The following DENND1A variants were observed in gnomAD, a reference collection of about 807,000 sequenced individuals.
DENND1A encodes the protein DENN domain-containing protein 1A.
DENND1A carries 51 observed loss-of-function variants against 113.7 expected under a neutral mutation model. The ratio of observed to expected loss-of-function variants is 0.45; its 90% CI spans 0.36 to 0.57. The LOEUF is 0.57. Among genes scored for constraint, DENND1A ranks in the 20% least tolerant of loss-of-function variants. The pLI is 0.00. For missense variants in DENND1A, 1,258 were observed against 1,395.9 expected (o/e 0.90, Z 1.57); for synonymous variants, 565 against 570.8 (o/e 0.99, Z 0.14).
chr9:123,512,580 G>C (rs1327197754), intron 13 of DENND1A, among the ~76,000 whole-genome samples: 1 of 152,196 alleles, frequency 6.6e-6, no homozygotes, highest in East Asian at 1.9e-4. Context: ...GGTCCCACTG[G>C]CTATTCTGCA....
chr9:123,816,451 C>T (rs923295762), intron 2 of DENND1A, among the ~76,000 whole-genome samples: 2 of 152,174 alleles, frequency 1.3e-5, no homozygotes, highest in Non-Finnish European at 2.9e-5. Context: ...GTGATATAGG[C>T]TTCCTGGTCT....
chr9:123,643,763 T>C (rs1011988432), intron 9 of DENND1A, among the ~76,000 whole-genome samples: 24 of 152,350 alleles, frequency 1.6e-4, no homozygotes, highest in Non-Finnish European at 1.5e-4. Context: ...AATGGAGCTG[T>C]GGCTAACAGA....
chr9:123,739,424 C>T (rs1419712890), intron 5 of DENND1A, among the ~76,000 whole-genome samples: 3 of 152,056 alleles, frequency 2.0e-5, no homozygotes, highest in African/African-American at 4.8e-5. Flanking sequence ...ACTTTGTATT[C>T]TGAATAAAGA....
chr9:123,678,523 A>C (rs1219882986), intron 5 of DENND1A, among the ~76,000 whole-genome samples: 1 of 152,206 alleles, frequency 6.6e-6, no homozygotes, highest in African/African-American at 2.4e-5. Flanking sequence ...GACACGAGGT[A>C]GCGCACAGAT....
intron 21 of DENND1A, among the ~76,000 whole-genome samples, chr9:123,394,901 G>C (rs1357088201): frequency 3.3e-5 from 5 of 152,210 alleles, no homozygotes; most frequent in African/African-American, 4.8e-5. Flanking sequence ...TGGGAGCAGT[G>C]GTGGGGGCAA....
At chr9:123,695,337 T>C (rs548466580) in intron 5 of DENND1A, among the ~76,000 whole-genome samples, 137 of 152,312 alleles carry the variant, frequency 9.0e-4, no homozygotes, top group African/African-American at 3.1e-3. Flanking sequence ...ATTGAAATTA[T>C]AAATCATTCT....
intron 13 of DENND1A, among the ~76,000 whole-genome samples, chr9:123,535,167 T>C (rs573059693): frequency 9.8e-5 from 15 of 152,332 alleles, no homozygotes; most frequent in Admixed American, 6.5e-4. Flanking sequence ...TTCACTCTGT[T>C]GTCCCTACAG....
intron 11 of DENND1A, among the ~76,000 whole-genome samples, chr9:123,594,854 C>T (rs1049798683): frequency 6.6e-6 from 1 of 152,094 alleles, no homozygotes; most frequent in African/African-American, 2.4e-5. Flanking sequence ...AAGCTGGTGG[C>T]CTCCTAGGAG....
intron 5 of DENND1A, among the ~76,000 whole-genome samples, chr9:123,728,963 T>C (rs559403928): frequency 6.6e-6 from 1 of 152,146 alleles, no homozygotes; most frequent in Admixed American, 6.5e-5. Context: ...TGGTTCAACA[T>C]ACACAAATCA....
chr9:123,522,700 T>TA (rs1446070428), intron 13 of DENND1A, among the ~76,000 whole-genome samples: 2 of 152,218 alleles, frequency 1.3e-5, no homozygotes, highest in African/African-American at 4.8e-5. Flanking sequence ...GCAGCTCAGC[T>TA]ACCTTTTAAT....
At chr9:123,763,397 T>G (rs942038216) in intron 4 of DENND1A, among the ~76,000 whole-genome samples, 1 of 152,120 alleles carries the variant, frequency 6.6e-6, no homozygotes, top group Non-Finnish European at 1.5e-5. Flanking sequence ...GGCAGAATAT[T>G]ACCATTTGAA....
At chr9:123,809,437 C>A (rs547521175) in intron 2 of DENND1A, among the ~76,000 whole-genome samples, 12 of 152,206 alleles carry the variant, frequency 7.9e-5, no homozygotes, top group Non-Finnish European at 1.5e-4. Context: ...GTTTTTTTGA[C>A]TCTAAAATTC....
At chr9:123,397,903 T>A (rs1304799432) in intron 21 of DENND1A, among the ~76,000 whole-genome samples, 1 of 152,184 alleles carries the variant, frequency 6.6e-6, no homozygotes, top group Non-Finnish European at 1.5e-5. Context: ...CCTTCTTACT[T>A]AGTACAGTGG....
At chr9:123,736,719 A>C (rs770243081) in intron 5 of DENND1A, among the ~76,000 whole-genome samples, 10 of 152,246 alleles carry the variant, frequency 6.6e-5, no homozygotes, top group Non-Finnish European at 1.3e-4. Flanking sequence ...AGCCCTAATG[A>C]GCTCATTGGA....
intron 13 of DENND1A, among the ~76,000 whole-genome samples, chr9:123,511,705 C>G (rs1334958556): frequency 6.6e-6 from 1 of 152,232 alleles, no homozygotes; most frequent in Non-Finnish European, 1.5e-5. Context: ...GCACCCCCAC[C>G]CACTTCCAGT....
At chr9:123,720,672 T>A (rs2067274305) in intron 5 of DENND1A, among the ~76,000 whole-genome samples, 1 of 152,220 alleles carries the variant, frequency 6.6e-6, no homozygotes, top group African/African-American at 2.4e-5. Context: ...ACTTTATCAT[T>A]GCCAACACTG....
intron 5 of DENND1A, among the ~76,000 whole-genome samples, chr9:123,750,570 A>T (rs2069929924): frequency 6.6e-6 from 1 of 152,266 alleles, no homozygotes; most frequent in Non-Finnish European, 1.5e-5. Context: ...AATCTGCCTT[A>T]GCAGTGGGGC....
intron 13 of DENND1A, among the ~76,000 whole-genome samples, chr9:123,497,813 CAAAA>C (rs755257150): frequency 9.8e-6 from 1 of 101,768 alleles, no homozygotes; most frequent in African/African-American, 3.7e-5. Context: ...CTCTTCCATC[CAAAA>C]AAAAAAAAAA....
chr9:123,432,737 C>T (rs1219674855), intron 19 of DENND1A, among the ~76,000 whole-genome samples: 1 of 152,242 alleles, frequency 6.6e-6, no homozygotes, highest in African/African-American at 2.4e-5. Flanking sequence ...GGATTGTAGA[C>T]CGCAATGCCC....
Sources: gnomAD v4.1 joint callset for allele counts (sites outside exome capture counted in the v4.1 genomes callset) on GRCh38, gnomAD v4.1.1 for gene constraint, MANE v1.5 for transcripts, NCBI Gene and HGNC (gene_info 2026-07-23, HGNC 2026-07-21) for gene names.